Variants in PDE4D observed in about 807,000 individuals in gnomAD.
PDE4D encodes the protein 3',5'-cyclic-AMP phosphodiesterase 4D.
PDE4D carries 24 observed loss-of-function variants against 87.4 expected under a neutral mutation model. The observed-to-expected ratio is 0.27, with a 90% CI of 0.20 to 0.39. The LOEUF (loss-of-function observed/expected upper bound fraction) is 0.39. PDE4D is among the 10% of genes least tolerant of loss of function. The pLI is 1.00. For synonymous variants in PDE4D, 384 were observed against 383.2 expected (o/e 1.00, Z -0.02); for missense variants, 714 against 1,041.0 (o/e 0.69, Z 4.32).
At chr5:60,165,061 T>C (rs1389241095) in intron 2 of PDE4D, among the ~76,000 whole-genome samples, 1 of 152,172 alleles carries the variant, frequency 6.6e-6, no homozygotes, top group African/African-American at 2.4e-5. Flanking sequence ...CTGTCTAGCC[T>C]CTCTACCATT....
chr5:59,175,898 G>A (rs529589074), intron 5 of PDE4D, among the ~76,000 whole-genome samples: 43 of 151,278 alleles, frequency 2.8e-4, no homozygotes, highest in African/African-American at 1.0e-3. Context: ...CTGAGTAGCC[G>A]GGATTATAGG....
chr5:60,172,270 A>ACG (rs1398000874), intron 2 of PDE4D, among the ~76,000 whole-genome samples: 1 of 143,032 alleles, frequency 7.0e-6, no homozygotes, highest in Non-Finnish European at 1.5e-5. Context: ...TTCAATACAC[A>ACG]CACACACACA....
chr5:60,240,042 A>G (rs1459589906), intron 1 of PDE4D, among the ~76,000 whole-genome samples: 2 of 152,090 alleles, frequency 1.3e-5, no homozygotes, highest in Non-Finnish European at 2.9e-5. Context: ...TAATGTTTCC[A>G]GTGGTTTCCT....
rs554630317 is a variant in PDE4D, at chr5:59,463,084, T to C, written c.456-247116A>G. 3.9e-5 allele frequency among the ~76,000 whole-genome samples: 6 copies of C among 152,314 alleles called. No individual in the cohort carries two copies. The South Asian group carries it at 1.0e-3, about 26-fold the overall frequency. ...TTATTGACTGTATATTGAGAAGGTGTAAATCATAGTTCAAGGTTAATTTAG... is the reference window on the plus strand; with the variant it reads ...TTATTGACTGTATATTGAGAAGGTGCAAATCATAGTTCAAGGTTAATTTAG... On this transcript the variant is annotated intron_variant, in intron 1 of 14. Coordinates refer to ENST00000340635, the MANE Select transcript of PDE4D (RefSeq NM_001104631.2).
At chr5:59,987,917 G>A (rs1020534701) in intron 3 of PDE4D, 1 of 152,274 alleles carries the variant, frequency 6.6e-6, no homozygotes, top group African/African-American at 2.4e-5. Flanking sequence ...TGATGGAGAC[G>A]TGGCTGTGGC....
intron 1 of PDE4D, among the ~76,000 whole-genome samples, chr5:59,595,842 A>G (rs1247248827): frequency 6.6e-6 from 1 of 152,076 alleles, no homozygotes; most frequent in Non-Finnish European, 1.5e-5. Context: ...ATATACTACT[A>G]CAGTAGTAGG....
At chr5:59,606,150 C>A (rs1828171635) in intron 1 of PDE4D, among the ~76,000 whole-genome samples, 1 of 151,976 alleles carries the variant, frequency 6.6e-6, no homozygotes, top group Non-Finnish European at 1.5e-5. Flanking sequence ...AACACCCTTT[C>A]ATCTATGTGA....
At chr5:59,762,880 T>G (rs575846467) in intron 1 of PDE4D, among the ~76,000 whole-genome samples, 8 of 133,008 alleles carry the variant, frequency 6.0e-5, no homozygotes, top group African/African-American at 2.2e-4. Context: ...TATATATATA[T>G]ATATATATAT....
At chr5:59,373,122 C>T (rs1784192198) in intron 1 of PDE4D, among the ~76,000 whole-genome samples, 1 of 152,118 alleles carries the variant, frequency 6.6e-6, no homozygotes, top group Non-Finnish European at 1.5e-5. Context: ...GGCCAGAGTG[C>T]CTTTTTTCCT....
chr5:59,147,618 T>G (rs1415852224), intron 5 of PDE4D, among the ~76,000 whole-genome samples: 1 of 152,212 alleles, frequency 6.6e-6, no homozygotes, highest in Non-Finnish European at 1.5e-5. Flanking sequence ...TTGATACTGT[T>G]GAAATCTCTA....
At chr5:59,297,568 T>A (rs1010868318) in intron 1 of PDE4D, among the ~76,000 whole-genome samples, 3 of 152,170 alleles carry the variant, frequency 2.0e-5, no homozygotes, top group African/African-American at 7.2e-5. Flanking sequence ...TGTGAATTTT[T>A]TTTTAAACTA....
At chr5:60,161,783 G>A (rs112509160) in intron 2 of PDE4D, among the ~76,000 whole-genome samples, 7 of 152,232 alleles carry the variant, frequency 4.6e-5, no homozygotes, top group African/African-American at 1.4e-4. Context: ...AAAGTTTACT[G>A]AGATAACAAA....
chr5:60,314,533 C>T (rs1200403709), intron 1 of PDE4D, among the ~76,000 whole-genome samples: 7 of 151,994 alleles, frequency 4.6e-5, no homozygotes, highest in Admixed American at 1.3e-4. Context: ...ATGTGCACAA[C>T]ATGCAGGTTG....
chr5:59,680,466 A>C (rs1481590039), intron 1 of PDE4D, among the ~76,000 whole-genome samples: 1 of 152,196 alleles, frequency 6.6e-6, no homozygotes, highest in Non-Finnish European at 1.5e-5. Context: ...ACATAGAAAC[A>C]GAAAATATCA....
intron 1 of PDE4D, among the ~76,000 whole-genome samples, chr5:60,307,503 C>A (rs967844579): frequency 2.0e-5 from 3 of 152,084 alleles, no homozygotes; most frequent in African/African-American, 7.2e-5. Flanking sequence ...CCAGCAAATT[C>A]TCAGGTCACA....
At chr5:60,386,195 T>C (rs1310941022) in intron 1 of PDE4D, among the ~76,000 whole-genome samples, 1 of 152,212 alleles carries the variant, frequency 6.6e-6, no homozygotes, top group East Asian at 1.9e-4. Flanking sequence ...ATTTTCCCTT[T>C]AGTACGTGCT....
At chr5:60,416,981 C>A (rs16878045) in intron 1 of PDE4D, among the ~76,000 whole-genome samples, 6,740 of 152,226 alleles carry the variant, frequency 0.044, 495 homozygotes, top group African/African-American at 0.16. Context: ...TGTGCGATTC[C>A]ATCTACAAAT....
chr5:60,068,822 G>A (rs115570866), intron 2 of PDE4D, among the ~76,000 whole-genome samples: 4,333 of 152,044 alleles, frequency 0.028, 194 homozygotes, highest in African/African-American at 0.1. Context: ...GGCTGGCCTC[G>A]AACTCCTGAG....
At chr5:60,172,788 TTATATC>T (rs1429577839) in intron 2 of PDE4D, among the ~76,000 whole-genome samples, 1 of 152,132 alleles carries the variant, frequency 6.6e-6, no homozygotes, top group Non-Finnish European at 1.5e-5. Context: ...CAGAACTTTC[TTATATC>T]TATTCACTTA....
Sources: gnomAD v4.1 joint callset for allele counts (sites outside exome capture counted in the v4.1 genomes callset) on GRCh38, gnomAD v4.1.1 for gene constraint, MANE v1.5 for transcripts, NCBI Gene and HGNC (gene_info 2026-07-23, HGNC 2026-07-21) for gene names.